TBXAS1: variants seen among roughly 807,000 people sequenced by gnomAD.
TBXAS1 encodes thromboxane-A synthase.
In TBXAS1, 48 loss-of-function variants were observed where a neutral mutation model predicts 60.7. That is an observed-to-expected ratio of 0.79 (90% CI 0.63 to 1.01). The LOEUF (loss-of-function observed/expected upper bound fraction) is 1.01. TBXAS1 is among the 50% of genes least tolerant of loss of function. TBXAS1 has a pLI of 0.00. For synonymous variants in TBXAS1, 287 were observed against 269.7 expected (o/e 1.06, Z -0.63); for missense variants, 685 against 686.3 (o/e 1.00, Z 0.02).
intron 8 of TBXAS1, among the ~76,000 whole-genome samples, chr7:139,960,478 C>G (rs150854462): frequency 1.8e-4 from 27 of 152,218 alleles, no homozygotes; most frequent in African/African-American, 5.8e-4. Context: ...CATGAAATGA[C>G]AACAATCTTA....
intron 9 of TBXAS1, among the ~76,000 whole-genome samples, chr7:139,963,306 TC>T (rs1051793164): frequency 6.6e-6 from 1 of 152,236 alleles, no homozygotes; most frequent in African/African-American, 2.4e-5. Context: ...TTTATATTTA[TC>T]CTTATTACTG....
intron 7 of TBXAS1, 152 bp from the exon 8 acceptor site, chr7:139,957,482 C>T: frequency 1.1e-6 from 1 of 932,724 alleles, no homozygotes; most frequent in South Asian, 1.4e-5. Flanking sequence ...AGACATCACC[C>T]CTGCTCTCAG....
At chr7:139,800,339 C>A (rs1209140926) in intron 4 of TBXAS1, among the ~76,000 whole-genome samples, 4 of 152,168 alleles carry the variant, frequency 2.6e-5, no homozygotes, top group Non-Finnish European at 4.4e-5. Flanking sequence ...GACCTCAATG[C>A]ACCTGACTGA....
At chr7:139,996,697 A>C (rs1051695669) in intron 9 of TBXAS1, among the ~76,000 whole-genome samples, 1 of 152,278 alleles carries the variant, frequency 6.6e-6, no homozygotes, top group Middle Eastern at 3.4e-3. Context: ...AGCTTCCTTT[A>C]TGACAGTGAT....
chr7:139,907,817 T>G (rs1805221034), intron 3 of TBXAS1, among the ~76,000 whole-genome samples: 1 of 152,104 alleles, frequency 6.6e-6, no homozygotes, highest in Non-Finnish European at 1.5e-5. Context: ...TGAAATTTAA[T>G]TAAAATTATT....
chr7:139,810,036 T>C (rs970529461), intron 4 of TBXAS1, among the ~76,000 whole-genome samples: 4 of 151,908 alleles, frequency 2.6e-5, no homozygotes, highest in African/African-American at 9.7e-5. Flanking sequence ...TAAGTGGAAA[T>C]TAACTTTTTT....
At chr7:139,949,341 G>C (rs192365099) in intron 5 of TBXAS1, among the ~76,000 whole-genome samples, 2 of 152,290 alleles carry the variant, frequency 1.3e-5, no homozygotes, top group East Asian at 3.9e-4. Context: ...TAGATAGACA[G>C]ATTTTCTTTT....
chr7:139,903,531 T>C (rs983594057), intron 3 of TBXAS1, among the ~76,000 whole-genome samples: 3 of 152,120 alleles, frequency 2.0e-5, no homozygotes, highest in African/African-American at 7.3e-5. Flanking sequence ...CTGTTTTCCA[T>C]ACTGGCTGTA....
intron 4 of TBXAS1, among the ~76,000 whole-genome samples, chr7:139,931,733 G>A (rs117211102): frequency 0.014 from 2,080 of 152,186 alleles, 26 homozygotes; most frequent in African/African-American, 0.028. Context: ...CCCACCACAC[G>A]TGGGAATTGT....
chr7:139,797,018 C>G (rs953795774), intron 4 of TBXAS1, among the ~76,000 whole-genome samples: 7 of 152,132 alleles, frequency 4.6e-5, no homozygotes, highest in East Asian at 1.9e-4. Context: ...AAGATATGCT[C>G]TCATGATAGA....
At chr7:139,989,828 C>T (rs150779619) in intron 9 of TBXAS1, among the ~76,000 whole-genome samples, 2 of 152,324 alleles carry the variant, frequency 1.3e-5, no homozygotes, top group African/African-American at 4.8e-5. Flanking sequence ...TGCCATGGTC[C>T]TATAGCAATC....
intron 9 of TBXAS1, among the ~76,000 whole-genome samples, chr7:139,996,736 C>G (rs890266909): frequency 6.6e-6 from 1 of 152,184 alleles, no homozygotes; most frequent in Non-Finnish European, 1.5e-5. Flanking sequence ...TGTGATAATC[C>G]CTTGGGGGAC....
At chr7:139,831,686 C>T (rs1798712169) in intron 1 of TBXAS1, among the ~76,000 whole-genome samples, 2 of 152,220 alleles carry the variant, frequency 1.3e-5, no homozygotes, top group South Asian at 4.1e-4. Context: ...AATCCCAGCA[C>T]TTTGGGAGGC....
In TBXAS1 at chr7:139,950,704, ACCCCC is replaced by A. The variant is rs1584932308; in HGVS notation, c.451-2663_451-2659del. Reference sequence around the variant, plus strand: ...GACCCCCTCGCCCTCCATCTACGGGACCCCCTCGCCCTCCATCTACGGGACCCCCT... The same window carrying A: ...GACCCCCTCGCCCTCCATCTACGGGATCGCCCTCCATCTACGGGACCCCCT... On this transcript the variant is annotated intron_variant, in intron 5 of 12. Transcript: ENST00000448866. Among the ~76,000 whole-genome samples, 60 of 134,890 alleles carry A rather than the reference ACCCCC, an allele frequency of 4.4e-4. No individual in the cohort carries two copies. In the East Asian group the frequency reaches 4.7e-3, roughly 11 times the overall value. 88.5% of individuals were successfully genotyped at this position (134,890 alleles called of 152,430 possible).
At chr7:139,856,909 C>A (rs932788668) in intron 1 of TBXAS1, among the ~76,000 whole-genome samples, 30 of 152,108 alleles carry the variant, frequency 2.0e-4, no homozygotes, top group African/African-American at 6.3e-4. Context: ...GGCGTTATGG[C>A]GTCAACACCA....
chr7:139,960,742 A>C (rs2117371262), intron 8 of TBXAS1, among the ~76,000 whole-genome samples: 1 of 152,210 alleles, frequency 6.6e-6, no homozygotes, highest in Middle Eastern at 3.4e-3. Context: ...CAAAAAAAAA[A>C]AAAAAAGATG....
In TBXAS1 at chr7:139,966,106, C is replaced by T. The variant is rs372587333; in HGVS notation, c.1134+3873C>T. Among the ~76,000 whole-genome samples the T allele has an allele frequency of 1.5e-4, 23 of 152,302 alleles. No homozygotes were observed. In the South Asian group the frequency reaches 3.9e-3, roughly 26 times the overall value. ...GCCAGACTCCGGGGCTCCAGCCCTA[C>T]GCACGAGGGTGTTCTGGTCTAGCTC... On this transcript the variant is annotated intron_variant, in intron 9 of 12. Transcript: ENST00000448866.
intron 3 of TBXAS1, among the ~76,000 whole-genome samples, chr7:139,886,243 A>G (rs560547213): frequency 6.6e-6 from 1 of 152,272 alleles, no homozygotes; most frequent in African/African-American, 2.4e-5. Flanking sequence ...CTCAAGCTGC[A>G]AGAATTTTGC....
rs1804070011 is a variant in TBXAS1, at chr7:139,896,115, G to A, written c.237-15110G>A. 6.6e-6 allele frequency among the ~76,000 whole-genome samples: 1 copy of A among 152,184 alleles called. No individual in the cohort carries two copies. Among genetic ancestry groups the A allele is most frequent in the African/African-American group, 2.4e-5 (1 of 41,454 alleles). On this transcript the variant is annotated intron_variant, in intron 3 of 12. Coordinates refer to ENST00000448866, the MANE Select transcript of TBXAS1 (RefSeq NM_001061.7). This position sits in a 1 kb window ranked among gnomAD's most constrained non-coding sequence, Gnocchi z 4.0. ...GCAGCTTAAAACCATCCTTCCACTT[G>A]CTCTTAAGGGTGAGGCGCTCTGCTA...
Sources: allele counts gnomAD v4.1 joint callset (sites outside exome capture counted in the v4.1 genomes callset), GRCh38; gene constraint gnomAD v4.1.1; non-coding constraint Gnocchi (gnomAD v3.1); transcripts MANE v1.5; gene names NCBI Gene and HGNC (gene_info 2026-07-23, HGNC 2026-07-21).